RTN1: variants seen among roughly 807,000 people sequenced by gnomAD.
RTN1 encodes reticulon 1.
A neutral mutation model predicts 65.5 loss-of-function variants in RTN1; 25 were observed. The observed-to-expected ratio is 0.38, with a 90% confidence interval of 0.28 to 0.53. The LOEUF is 0.53. Ranked by LOEUF, RTN1 falls within the 20% of genes least tolerant of loss-of-function variation. The pLI, the probability that RTN1 is intolerant of heterozygous loss-of-function variation, is 0.79. For missense variants in RTN1, 983 were observed against 1,025.4 expected (o/e 0.96, Z 0.57); for synonymous variants, 471 against 447.6 (o/e 1.05, Z -0.66).
intron 2 of RTN1, among the ~76,000 whole-genome samples, chr14:59,742,377 G>A (rs1885132150): frequency 6.6e-6 from 1 of 151,996 alleles, no homozygotes; most frequent in Admixed American, 6.6e-5. Context: ...GGGGCATCAG[G>A]GCATTTATTA....
At chr14:59,812,123 A>G (rs1030956690) in intron 1 of RTN1, among the ~76,000 whole-genome samples, 1 of 152,196 alleles carries the variant, frequency 6.6e-6, no homozygotes, top group Admixed American at 6.5e-5. Context: ...TAAAGCCAAG[A>G]GCCAGGATTG....
intron 1 of RTN1, among the ~76,000 whole-genome samples, chr14:59,753,967 G>A (rs967030065): frequency 2.0e-5 from 3 of 152,176 alleles, no homozygotes; most frequent in Non-Finnish European, 4.4e-5. Flanking sequence ...CTTGAGAGTC[G>A]CTGTGTTAAC....
At chr14:59,680,862 C>T (rs1883731448) in intron 3 of RTN1, among the ~76,000 whole-genome samples, 1 of 151,986 alleles carries the variant, frequency 6.6e-6, no homozygotes, top group African/African-American at 2.4e-5. Flanking sequence ...TCATGAAAAA[C>T]CATATTTATG....
rs186044660 is a variant in RTN1 at position 59,766,634 on chromosome 14, G to C, written c.242-20153C>G. Among the ~76,000 whole-genome samples, 10 of 152,218 alleles carry C rather than the reference G, an allele frequency of 6.6e-5. No homozygotes were observed. The highest frequency in any genetic ancestry group is 4.4e-5 in the Non-Finnish European group (3 of 68,012). Reference sequence around the variant, plus strand: ...TTCAGATTTCTTCCTTGAATGGCAAGATAACAGTTTCAATATTATTTCTTA... The same window carrying C: ...TTCAGATTTCTTCCTTGAATGGCAACATAACAGTTTCAATATTATTTCTTA... On this transcript the variant is annotated intron_variant, in intron 1 of 8. Transcript: ENST00000267484. The surrounding 1 kb of genome is among the most constrained non-coding windows in gnomAD (Gnocchi z 4.4).
intron 3 of RTN1, among the ~76,000 whole-genome samples, chr14:59,647,781 A>C (rs917912338): frequency 3.3e-5 from 5 of 152,218 alleles, no homozygotes; most frequent in Admixed American, 3.3e-4. Context: ...GGACACAGCT[A>C]AGGCAGTGTT....
intron 3 of RTN1, among the ~76,000 whole-genome samples, chr14:59,628,519 A>G (rs766276547): frequency 1.1e-4 from 17 of 152,240 alleles, no homozygotes; most frequent in African/African-American, 3.9e-4. Flanking sequence ...TTTTGTGCTC[A>G]TAAGTCCTCC....
chr14:59,845,903 T>C (rs1442492346), intron 1 of RTN1, among the ~76,000 whole-genome samples: 5 of 151,868 alleles, frequency 3.3e-5, no homozygotes, highest in Non-Finnish European at 7.4e-5. Context: ...ACATAGAACA[T>C]GCTAGAGGAG....
intron 1 of RTN1, among the ~76,000 whole-genome samples, chr14:59,770,439 T>C (rs550934883): frequency 2.4e-4 from 36 of 147,990 alleles, no homozygotes; most frequent in Non-Finnish European, 5.1e-4. Flanking sequence ...GACTAATGCA[T>C]GATTTCATTT....
chr14:59,863,877 C>G (rs971522414), intron 1 of RTN1, among the ~76,000 whole-genome samples: 4 of 152,204 alleles, frequency 2.6e-5, no homozygotes, highest in Non-Finnish European at 5.9e-5. Flanking sequence ...TGTGTTCTTT[C>G]TAACACATTA....
rs1321611902 is a variant in RTN1 at position 59,870,313 on chromosome 14, G to A, written c.241+77C>T. 1.8e-5 allele frequency: 24 copies of A among 1,340,852 alleles called. No individual in the cohort carries two copies. In the Admixed American group the frequency reaches 8.0e-4, roughly 45 times the overall value. 83.1% of individuals were successfully genotyped at this position (1,340,852 alleles called of 1,614,324 possible). On this transcript the variant is annotated intron_variant, in intron 1 of 8. Coordinates refer to ENST00000267484, the MANE Select transcript of RTN1 (RefSeq NM_021136.3). This position sits in a 1 kb window ranked among gnomAD's most constrained non-coding sequence, Gnocchi z 5.1. ...CAGAAAGCGCGAGGCAGGTGCCCAG[G>A]AGAGCCGCGCAGAAGGGGACTGACT... is the stretch of plus-strand genomic sequence containing the variant.
At chr14:59,841,343 A>G (rs2139652176) in intron 1 of RTN1, among the ~76,000 whole-genome samples, 1 of 152,322 alleles carries the variant, frequency 6.6e-6, no homozygotes, top group East Asian at 1.9e-4. Context: ...ATCTATAATT[A>G]CACAAATATA....
intron 3 of RTN1, among the ~76,000 whole-genome samples, chr14:59,703,701 G>A (rs1884230189): frequency 6.6e-6 from 1 of 152,136 alleles, no homozygotes; most frequent in African/African-American, 2.4e-5. Context: ...TCTTCATTTT[G>A]TTCACTGAAG....
chr14:59,667,422 A>G (rs1883403289), intron 3 of RTN1, among the ~76,000 whole-genome samples: 1 of 152,190 alleles, frequency 6.6e-6, no homozygotes, highest in Non-Finnish European at 1.5e-5. Flanking sequence ...TTTCATGCTA[A>G]AAACTCTCAA....
chr14:59,630,705 G>A, intron 3 of RTN1: 1 of 1,147,286 alleles, frequency 8.7e-7, no homozygotes, highest in East Asian at 4.4e-5. Flanking sequence ...GAATCAGCGC[G>A]GCGCGGCCCC....
chr14:59,839,838 T>A (rs1887279463), intron 1 of RTN1, among the ~76,000 whole-genome samples: 1 of 152,172 alleles, frequency 6.6e-6, no homozygotes, highest in South Asian at 2.1e-4. Flanking sequence ...TGTAGAAATA[T>A]CATTCATACA....
chr14:59,645,449 A>G (rs572121731), intron 3 of RTN1, among the ~76,000 whole-genome samples: 3 of 151,474 alleles, frequency 2.0e-5, no homozygotes, highest in South Asian at 2.1e-4. Context: ...TGTTTTCTAT[A>G]TGTTTGTTAC....
intron 3 of RTN1, among the ~76,000 whole-genome samples, chr14:59,617,901 G>A (rs928316458): frequency 4.6e-5 from 7 of 152,160 alleles, no homozygotes; most frequent in African/African-American, 1.7e-4. Context: ...TACATCCCCT[G>A]TCAGCAGGAA....
At chr14:59,657,349 C>T (rs1209870140) in intron 3 of RTN1, among the ~76,000 whole-genome samples, 2 of 152,180 alleles carry the variant, frequency 1.3e-5, no homozygotes, top group African/African-American at 4.8e-5. Flanking sequence ...GCTGAGGTTG[C>T]AGTGAGCCGA....
chr14:59,777,820 AAC>A lies in RTN1; in HGVS notation c.242-31341_242-31340del, dbSNP rs1469597500. ...ACAAAACAACAACAACAACAACAAC[AAC>A]AAAAAAAAAAAACAAAACAACAAAA... is the stretch of plus-strand genomic sequence containing the variant. On this transcript the variant is annotated intron_variant, in intron 1 of 8. Coordinates refer to ENST00000267484, the MANE Select transcript of RTN1 (RefSeq NM_021136.3). Among the ~76,000 whole-genome samples the A allele has an allele frequency of 6.5e-5, 7 of 108,078 alleles. No individual in the cohort carries two copies. In the East Asian group the frequency reaches 1.5e-3, roughly 23 times the overall value. The allele number at this position is 108,078 out of a possible 152,430, so 70.9% of individuals were successfully genotyped here.
Sources: gnomAD v4.1 joint callset for allele counts (sites outside exome capture counted in the v4.1 genomes callset) on GRCh38, gnomAD v4.1.1 for gene constraint, Gnocchi (gnomAD v3.1) non-coding constraint, MANE v1.5 for transcripts, NCBI Gene and HGNC (gene_info 2026-07-23, HGNC 2026-07-21) for gene names.